C8B: variants seen among roughly 807,000 people sequenced by gnomAD.
C8B encodes complement C8 beta chain, also known as complement component C8 beta chain.
A neutral mutation model predicts 64.6 loss-of-function variants in C8B; 67 were observed. The observed-to-expected ratio is 1.04, with a 90% CI of 0.85 to 1.27. The LOEUF is 1.27. C8B is among the 50% of genes most tolerant of loss of function. C8B has a pLI of 0.00. For synonymous variants in C8B, 284 were observed against 257.7 expected, an observed-to-expected ratio of 1.10 and a Z score of -0.98; for missense variants, 790 against 725.2, an observed-to-expected ratio of 1.09 and a Z score of -1.03.
chr1:56,951,996 T>C, intron 5 of C8B, 52 bp downstream of exon 5: 2 of 1,448,890 alleles, frequency 1.4e-6, no homozygotes, highest in Non-Finnish European at 1.9e-6. Context: ...TGGACCCTGC[T>C]AACTGGGTGC....
chr1:56,960,047 G>A lies in C8B; in HGVS notation c.222C>T (p.Thr74=). 1.2e-6 allele frequency: 2 copies of A among 1,614,102 alleles called. No individual in the cohort carries two copies. Among genetic ancestry groups the A allele is most frequent in the Non-Finnish European group, 1.7e-6 (2 of 1,180,006 alleles). ...DCELSSWSSW[T]TCDPCQKKRY... ...TTTTCTTCTGACAGGGGTCACATGT[G>A]GTCCAAGAGGACCAACTAGACAGCT... Residue 74 remains threonine, a synonymous_variant, in exon 2 of 12, where the codon ACC becomes ACT. Coordinates refer to ENST00000371237, the MANE Select transcript of C8B (RefSeq NM_000066.4).
chr1:56,957,386 C>T (rs555912978), intron 2 of C8B, among the ~76,000 whole-genome samples: 2 of 152,246 alleles, frequency 1.3e-5, no homozygotes, highest in East Asian at 3.9e-4. Context: ...AAAACATGGG[C>T]TTTGGAGCTA....
At chr1:56,931,734 C>T (rs1387432997) in intron 11 of C8B, 76 bp downstream of exon 11, 1 of 998,704 alleles carries the variant, frequency 1.0e-6, no homozygotes, top group Non-Finnish European at 1.6e-6. Flanking sequence ...GCCCCACACT[C>T]CACACCAGCT....
At chr1:56,948,664 A>T (rs1005546792) in intron 6 of C8B, among the ~76,000 whole-genome samples, 1 of 152,182 alleles carries the variant, frequency 6.6e-6, no homozygotes, top group South Asian at 2.1e-4. Flanking sequence ...GAAGAGGGCC[A>T]TGAATTAAAT....
intron 8 of C8B, 56 bp downstream of exon 8, chr1:56,943,640 A>G (rs1325830846): frequency 4.4e-6 from 7 of 1,604,818 alleles, no homozygotes; most frequent in Non-Finnish European, 3.4e-6. Flanking sequence ...TAATCACCAG[A>G]GGCACTAGGA....
At chr1:56,943,279 C>T (rs908048971) in intron 8 of C8B, among the ~76,000 whole-genome samples, 16 of 152,004 alleles carry the variant, frequency 1.1e-4, no homozygotes, top group Non-Finnish European at 1.5e-4. Context: ...CTTGTACGTG[C>T]GTACCAGATA....
intron 9 of C8B, among the ~76,000 whole-genome samples, chr1:56,938,502 T>G (rs1411978785): frequency 6.6e-6 from 1 of 152,252 alleles, no homozygotes; most frequent in Non-Finnish European, 1.5e-5. Flanking sequence ...ATTTTTCTGT[T>G]TTTTTAGACA....
intron 7 of C8B, among the ~76,000 whole-genome samples, chr1:56,945,110 G>C (rs1644922483): frequency 6.6e-6 from 1 of 152,188 alleles, no homozygotes; most frequent in African/African-American, 2.4e-5. Context: ...AAGCTTGTTA[G>C]AAATGCACTC....
intron 8 of C8B, among the ~76,000 whole-genome samples, chr1:56,942,050 T>C (rs187622171): frequency 3.9e-5 from 6 of 152,366 alleles, no homozygotes; most frequent in Admixed American, 3.3e-4. Context: ...TAATAATTAT[T>C]GATTATTTAT....
intron 7 of C8B, 103 bp downstream of exon 7, chr1:56,945,718 A>G: frequency 1.4e-6 from 2 of 1,405,882 alleles, no homozygotes; most frequent in Middle Eastern, 2.4e-4. Flanking sequence ...TCTGCAAATG[A>G]CACTGTGAAG....
At chr1:56,955,994 T>A (rs1358004803) in intron 3 of C8B, among the ~76,000 whole-genome samples, 1 of 152,254 alleles carries the variant, frequency 6.6e-6, no homozygotes, top group Non-Finnish European at 1.5e-5. Flanking sequence ...ATTTCTGTAC[T>A]CCTTTCTTCC....
Position 56,943,766 on chromosome 1 carries a change from G to A in C8B, c.1164C>T (p.Ala388=), listed in dbSNP as rs561010654. ...CAKNDFKIGG[A]IEEVYVSLGV... ...CCAGACTGACGTAGACCTCTTCAAT[G>A]GCACCACCAATTTTAAAATCATTTT... Residue 388 remains alanine, a synonymous_variant, in exon 8 of 12, where the codon GCC becomes GCT. Coordinates refer to ENST00000371237, the MANE Select transcript of C8B (RefSeq NM_000066.4). The A allele has an allele frequency of 6.2e-6, 10 of 1,614,004 alleles. No homozygotes were observed. The African/African-American group carries it at 6.7e-5, about 11-fold the overall frequency.
At chr1:56,959,555 CAG>C (rs1570405617) in intron 2 of C8B, 1 of 1,532,010 alleles carries the variant, frequency 6.5e-7, no homozygotes, top group Non-Finnish European at 8.7e-7. Context: ...AAGAAACGCC[CAG>C]AGAGAGTGAA....
chr1:56,937,917 C>T (rs1400041142), intron 9 of C8B, among the ~76,000 whole-genome samples: 1 of 152,172 alleles, frequency 6.6e-6, no homozygotes, highest in Non-Finnish European at 1.5e-5. Context: ...GCTCCATTTT[C>T]TTCAAGCATT....
intron 8 of C8B, among the ~76,000 whole-genome samples, chr1:56,942,837 G>A (rs945434005): frequency 1.3e-5 from 2 of 151,952 alleles, no homozygotes; most frequent in Admixed American, 6.6e-5. Flanking sequence ...TGAGGGTACC[G>A]AGGCTTGTAG....
intron 3 of C8B, among the ~76,000 whole-genome samples, chr1:56,956,201 G>C (rs779065292): frequency 2.6e-5 from 4 of 152,120 alleles, no homozygotes; most frequent in Admixed American, 6.5e-5. Flanking sequence ...CTATGTAACC[G>C]TTCTAGGTTT....
chr1:56,944,950 A>G (rs1180264698), intron 7 of C8B, among the ~76,000 whole-genome samples: 1 of 152,188 alleles, frequency 6.6e-6, no homozygotes, highest in Non-Finnish European at 1.5e-5. Context: ...CTTGTAGTTG[A>G]CTGGAATTGG....
At chr1:56,932,120 G>A (rs1644710832) in intron 10 of C8B, among the ~76,000 whole-genome samples, 1 of 152,188 alleles carries the variant, frequency 6.6e-6, no homozygotes, top group African/African-American at 2.4e-5. Context: ...AATTACTCAT[G>A]AGCTGACATT....
At chr1:56,953,637 T>C (rs1383878324) in intron 4 of C8B, among the ~76,000 whole-genome samples, 1 of 152,224 alleles carries the variant, frequency 6.6e-6, no homozygotes, top group African/African-American at 2.4e-5. Context: ...ATTCACTTGT[T>C]CAATCTTCAC....
Sources: gnomAD v4.1 joint callset for allele counts (sites outside exome capture counted in the v4.1 genomes callset) on GRCh38, gnomAD v4.1.1 for gene constraint, MANE v1.5 for transcripts, NCBI Gene and HGNC (gene_info 2026-07-23, HGNC 2026-07-21) for gene names.